KSR2: variants seen among roughly 807,000 people sequenced by gnomAD.
KSR2 encodes the protein kinase suppressor of ras 2.
KSR2 carries 25 observed loss-of-function variants against 107.8 expected under a neutral mutation model. That is an observed-to-expected ratio of 0.23 (90% CI 0.17 to 0.32). The LOEUF is 0.32. KSR2 is among the 10% of genes least tolerant of loss of function. The pLI, the probability that KSR2 is intolerant of heterozygous loss-of-function variation, is 1.00. For missense variants in KSR2, 887 were observed against 1,268.9 expected (o/e 0.70, Z 4.57); for synonymous variants, 480 against 507.0 (o/e 0.95, Z 0.71).
In KSR2 at chr12:117,484,408, C is replaced by T; in HGVS notation, c.2450+8G>A. The T allele has an allele frequency of 6.2e-7, 1 of 1,613,796 alleles. No individual in the cohort carries two copies. The highest frequency in any genetic ancestry group is 2.2e-5 in the East Asian group (1 of 44,874). On this transcript the variant is annotated splice_region_variant and intron_variant, in intron 16 of 19. Coordinates refer to ENST00000339824, the MANE Select transcript of KSR2 (RefSeq NM_173598.6). ...GGAAACTCTCCGGGTCTTCCCACTG[C>T]CTCTCACCTGCCAGCCTGCAGCACC...
chr12:117,491,082 A>G (rs1027155801), intron 14 of KSR2, among the ~76,000 whole-genome samples: 4 of 152,054 alleles, frequency 2.6e-5, no homozygotes, highest in Non-Finnish European at 5.9e-5. Flanking sequence ...TCCACTCCCC[A>G]TACTCCCCAG....
intron 1 of KSR2, among the ~76,000 whole-genome samples, chr12:117,864,743 A>G (rs1893417659): frequency 6.6e-6 from 1 of 152,218 alleles, no homozygotes; most frequent in Non-Finnish European, 1.5e-5. Context: ...TTCACATAGC[A>G]TTCTCCCTGT....
At chr12:117,713,243 A>G (rs1332540038) in intron 4 of KSR2, among the ~76,000 whole-genome samples, 1 of 151,866 alleles carries the variant, frequency 6.6e-6, no homozygotes, top group Non-Finnish European at 1.5e-5. Flanking sequence ...ATATCTAAGT[A>G]GACAGATGAT....
At chr12:117,510,034 C>G (rs553280456) in intron 14 of KSR2, among the ~76,000 whole-genome samples, 1 of 152,336 alleles carries the variant, frequency 6.6e-6, no homozygotes, top group African/African-American at 2.4e-5. Flanking sequence ...GAGGCGCTGA[C>G]TGTGGGTCCC....
At chr12:117,796,702 G>C (rs1454550849) in intron 3 of KSR2, among the ~76,000 whole-genome samples, 1 of 152,136 alleles carries the variant, frequency 6.6e-6, no homozygotes. Flanking sequence ...AAACGTGCCA[G>C]GAAGGGCTCA....
At chr12:117,533,438 C>G (rs1875803744) in intron 10 of KSR2, among the ~76,000 whole-genome samples, 2 of 152,150 alleles carry the variant, frequency 1.3e-5, no homozygotes, top group South Asian at 4.1e-4. Context: ...TGGGCTTAGT[C>G]CAATTCCAGA....
At chr12:117,572,221 T>C (rs1232129817) in intron 7 of KSR2, among the ~76,000 whole-genome samples, 2 of 152,174 alleles carry the variant, frequency 1.3e-5, no homozygotes, top group Admixed American at 1.3e-4. Flanking sequence ...CTTCAAGACT[T>C]AGCTTCAAGG....
chr12:117,746,736 G>GAA (rs71410057), intron 4 of KSR2, among the ~76,000 whole-genome samples: 41 of 146,410 alleles, frequency 2.8e-4, no homozygotes, highest in African/African-American at 1.0e-3. Flanking sequence ...AAATTTACAA[G>GAA]AAAAAAAAAC....
intron 4 of KSR2, among the ~76,000 whole-genome samples, chr12:117,678,308 T>C (rs1418003410): frequency 6.6e-6 from 1 of 152,008 alleles, no homozygotes; most frequent in Non-Finnish European, 1.5e-5. Context: ...CACAGCTACA[T>C]GAGGCTCCAT....
At chr12:117,656,196 T>A (rs543853878) in intron 5 of KSR2, among the ~76,000 whole-genome samples, 132 of 152,346 alleles carry the variant, frequency 8.7e-4, no homozygotes, top group African/African-American at 3.1e-3. Context: ...ATATCTTCAT[T>A]TTATTTCCTT....
At chr12:117,723,243 C>A (rs1887283816) in intron 4 of KSR2, among the ~76,000 whole-genome samples, 2 of 152,182 alleles carry the variant, frequency 1.3e-5, no homozygotes, top group African/African-American at 4.8e-5. Context: ...TAAATCTGCC[C>A]AAGTTGTCAC....
chr12:117,669,479 G>A (rs1341935978), intron 4 of KSR2, among the ~76,000 whole-genome samples: 2 of 151,830 alleles, frequency 1.3e-5, no homozygotes, highest in Non-Finnish European at 2.9e-5. Flanking sequence ...GACTGAAATA[G>A]GCTTAGAATG....
chr12:117,964,610 T>G (rs1896741077), intron 1 of KSR2, among the ~76,000 whole-genome samples: 1 of 152,188 alleles, frequency 6.6e-6, no homozygotes, highest in Non-Finnish European at 1.5e-5. Context: ...TGCCAATCAT[T>G]ATCATCATCA....
intron 1 of KSR2, among the ~76,000 whole-genome samples, chr12:117,960,135 GCA>G (rs751052914): frequency 3.3e-5 from 5 of 151,820 alleles, no homozygotes; most frequent in African/African-American, 4.8e-5. Flanking sequence ...CCTCTGCCTG[GCA>G]CACTCTTCCC....
intron 3 of KSR2, among the ~76,000 whole-genome samples, chr12:117,851,267 G>A (rs1271006814): frequency 2.0e-5 from 3 of 152,150 alleles, no homozygotes; most frequent in Non-Finnish European, 4.4e-5. Context: ...ATCAGTGTAG[G>A]TTCAAACCAT....
intron 1 of KSR2, among the ~76,000 whole-genome samples, chr12:117,935,095 T>A (rs1895798419): frequency 1.3e-5 from 2 of 152,064 alleles, no homozygotes; most frequent in South Asian, 4.1e-4. Context: ...CCCAAAGCGC[T>A]GGGATTACAG....
Position 117,466,888 on chromosome 12 carries a change from A to C in KSR2, c.*311T>G. The C allele has an allele frequency of 2.9e-6, 1 of 343,760 alleles. No homozygotes were observed. The allele number at this position is 343,760 out of a possible 1,614,324, so 21.3% of individuals were successfully genotyped here. A position where few individuals can be genotyped will look rare whatever the true frequency, so the allele number is the denominator to read the frequency against. ...GTGGGGTCTCCTGTCCTAGTCCCAT[A>C]GCCCAAAGGCACCACGTGCAGCCTG... On this transcript the variant is annotated 3_prime_UTR_variant, in exon 20 of 20. Transcript: ENST00000339824.
At chr12:117,958,141 C>T (rs1433762189) in intron 1 of KSR2, among the ~76,000 whole-genome samples, 2 of 152,058 alleles carry the variant, frequency 1.3e-5, no homozygotes, top group African/African-American at 4.8e-5. Context: ...CTGAGGTTGA[C>T]CACTTTGTGC....
intron 3 of KSR2, among the ~76,000 whole-genome samples, chr12:117,805,981 C>CA (rs1434569745): frequency 6.6e-6 from 1 of 151,550 alleles, no homozygotes; most frequent in Non-Finnish European, 1.5e-5. Context: ...GACTCTGCCT[C>CA]AAAAAAAGAA....
Sources: allele counts gnomAD v4.1 joint callset (sites outside exome capture counted in the v4.1 genomes callset), GRCh38; gene constraint gnomAD v4.1.1; transcripts MANE v1.5; gene names NCBI Gene and HGNC (gene_info 2026-07-23, HGNC 2026-07-21).